SEMA5A: variants seen among roughly 807,000 people sequenced by gnomAD.
The protein encoded by SEMA5A is semaphorin-5A.
Under a neutral mutation model 135.5 loss-of-function variants are expected in SEMA5A, and 55 were observed. The observed-to-expected ratio is 0.41, with a 90% CI of 0.33 to 0.51. The LOEUF (loss-of-function observed/expected upper bound fraction) is 0.51. SEMA5A is among the 20% of genes least tolerant of loss of function. The probability of loss-of-function intolerance (pLI) is 0.37; values close to 1 mark genes in which losing one functional copy is unlikely to be tolerated. For missense variants in SEMA5A, 1,290 were observed against 1,419.9 expected, an observed-to-expected ratio of 0.91 and a Z score of 1.47; for synonymous variants, 580 against 546.5, an observed-to-expected ratio of 1.06 and a Z score of -0.85.
chr5:9,330,005 A>G (rs987143724), intron 4 of SEMA5A, among the ~76,000 whole-genome samples: 1 of 152,098 alleles, frequency 6.6e-6, no homozygotes, highest in African/African-American at 2.4e-5. Flanking sequence ...ATTTTTCCAA[A>G]TATTTTAGGC....
At chr5:9,439,932 C>G (rs1758172260) in intron 1 of SEMA5A, among the ~76,000 whole-genome samples, 1 of 152,188 alleles carries the variant, frequency 6.6e-6, no homozygotes, top group Admixed American at 6.5e-5. Flanking sequence ...GGGTGTCCAC[C>G]CGAAAGGGTT....
intron 14 of SEMA5A, 104 bp from the exon 15 acceptor site, chr5:9,119,245 T>C (rs1579428085): frequency 2.2e-6 from 3 of 1,382,968 alleles, no homozygotes; most frequent in Admixed American, 2.1e-5. Context: ...AGGATCACGC[T>C]TGGGGCTGCT....
chr5:9,154,462 G>A lies in SEMA5A; in HGVS notation c.1481+26C>T, dbSNP rs745766056. The A allele has an allele frequency of 6.8e-6, 11 of 1,609,132 alleles. No homozygotes were observed. The Admixed American group carries it at 1.8e-4, about 27-fold the overall frequency. On this transcript the variant is annotated intron_variant, in intron 12 of 22. Coordinates refer to ENST00000382496, the MANE Select transcript of SEMA5A (RefSeq NM_003966.3). ...GTGGGCCCTTCACACACACACCAGT[G>A]CATCCTGACCCCGGAGATGCCCTAC...
intron 11 of SEMA5A, among the ~76,000 whole-genome samples, chr5:9,184,486 A>G (rs1174840873): frequency 1.3e-5 from 2 of 151,976 alleles, no homozygotes; most frequent in African/African-American, 4.8e-5. Flanking sequence ...GACACCAATC[A>G]CTCTGTGTGG....
In SEMA5A at chr5:9,050,435, A is replaced by C; in HGVS notation, c.2868T>G (p.Ser956Arg). Residue 956 changes from serine (S) to arginine (R), a missense_variant, in exon 21 of 23, where the codon AGT becomes AGG. By Grantham distance (110) the Ser-to-Arg change is moderately radical. Around this residue, in one of 3 missense-constraint regions of SEMA5A, gnomAD observed 1,029 missense variants for 1,086.6 expected, o/e 0.95. Transcript: ENST00000382496. Reference sequence around the variant, plus strand: ...CTCCACACCTTTTCTCTTCTACGCTACTGGATCTTGCCACAGATACTTCTG... The same window carrying C: ...CTCCACACCTTTTCTCTTCTACGCTCCTGGATCTTGCCACAGATACTTCTG... ...FIPEVSVARS[S>R]SVEEKRCGEF... is the part of the protein sequence containing the mutation. The C allele has an allele frequency of 6.2e-7, 1 of 1,612,966 alleles. No individual in the cohort carries two copies. Among genetic ancestry groups the C allele is most frequent in the South Asian group, 1.1e-5 (1 of 90,638 alleles).
intron 11 of SEMA5A, among the ~76,000 whole-genome samples, chr5:9,164,131 A>T (rs566929912): frequency 5.4e-5 from 6 of 111,264 alleles, no homozygotes; most frequent in African/African-American, 2.2e-4. Flanking sequence ...ATATCATATA[A>T]ATATTTATAT....
intron 11 of SEMA5A, among the ~76,000 whole-genome samples, chr5:9,155,523 C>A (rs2150265095): frequency 6.6e-6 from 1 of 151,544 alleles, no homozygotes; most frequent in Non-Finnish European, 1.5e-5. Flanking sequence ...TGACACCCTG[C>A]AAATCCCAGG....
At chr5:9,537,925 C>T (rs1273894141) in intron 1 of SEMA5A, among the ~76,000 whole-genome samples, 2 of 152,142 alleles carry the variant, frequency 1.3e-5, no homozygotes, top group Non-Finnish European at 2.9e-5. Context: ...TGTATCTGGA[C>T]CATGGACCAC....
chr5:9,445,648 G>A (rs1268262470), intron 1 of SEMA5A, among the ~76,000 whole-genome samples: 1 of 152,048 alleles, frequency 6.6e-6, no homozygotes, highest in African/African-American at 2.4e-5. Flanking sequence ...CAGTCTGAGT[G>A]ACAGAGTGAG....
chr5:9,394,479 C>T (rs2126540140), intron 2 of SEMA5A, among the ~76,000 whole-genome samples: 1 of 152,248 alleles, frequency 6.6e-6, no homozygotes, highest in South Asian at 2.1e-4. Context: ...AAGACCAGAG[C>T]CTGGCCTGCT....
chr5:9,349,628 G>A (rs916252603), intron 3 of SEMA5A, among the ~76,000 whole-genome samples: 7 of 152,108 alleles, frequency 4.6e-5, no homozygotes, highest in Admixed American at 1.3e-4. Flanking sequence ...GGTTGGGCAC[G>A]GTGGCTCACG....
At chr5:9,390,094 C>G (rs1216495660) in intron 2 of SEMA5A, among the ~76,000 whole-genome samples, 2 of 152,244 alleles carry the variant, frequency 1.3e-5, no homozygotes, top group Non-Finnish European at 2.9e-5. Context: ...TCTTCTATGA[C>G]TCTGCCATTC....
chr5:9,483,840 A>G (rs553952593), intron 1 of SEMA5A, among the ~76,000 whole-genome samples: 1 of 152,350 alleles, frequency 6.6e-6, no homozygotes, highest in South Asian at 2.1e-4. Flanking sequence ...GGGAGGAGAA[A>G]AAAACAGCTT....
At chr5:9,375,629 G>A (rs1755333863) in intron 3 of SEMA5A, among the ~76,000 whole-genome samples, 1 of 148,548 alleles carries the variant, frequency 6.7e-6, no homozygotes, top group Non-Finnish European at 1.5e-5. Flanking sequence ...TGTTACAGCA[G>A]CCCTAAGCAG....
At chr5:9,531,088 TC>T (rs2126327404) in intron 1 of SEMA5A, among the ~76,000 whole-genome samples, 1 of 152,182 alleles carries the variant, frequency 6.6e-6, no homozygotes, top group Admixed American at 6.5e-5. Flanking sequence ...GTGGGTTTTG[TC>T]CCTAAAAAAC....
rs144769881 is a variant in SEMA5A, at chr5:9,193,851, C to T, written c.1068+3317G>A. On this transcript the variant is annotated intron_variant, in intron 10 of 22. Coordinates refer to ENST00000382496, the MANE Select transcript of SEMA5A (RefSeq NM_003966.3). ...GGTAGAGGTTCCAGTGAGCTGAGAT[C>T]GTACCACTGTACACCAGCCTGGGCA... is the stretch of plus-strand genomic sequence containing the variant. Among the ~76,000 whole-genome samples the T allele has an allele frequency of 6.8e-3, 1,041 of 152,258 alleles. 5 individuals carry two copies. Among genetic ancestry groups the T allele is most frequent in the Non-Finnish European group, 9.6e-3 (652 of 68,014 alleles).
intron 11 of SEMA5A, among the ~76,000 whole-genome samples, chr5:9,167,043 T>C (rs76958540): frequency 2.0e-5 from 3 of 152,174 alleles, no homozygotes; most frequent in Non-Finnish European, 4.4e-5. Flanking sequence ...ATTGAGATGG[T>C]TGAGAAAAAT....
chr5:9,511,778 T>A (rs1736218989), intron 1 of SEMA5A, among the ~76,000 whole-genome samples: 1 of 152,192 alleles, frequency 6.6e-6, no homozygotes, highest in Non-Finnish European at 1.5e-5. Context: ...AAGATGTACA[T>A]GTATCAAAAC....
intron 11 of SEMA5A, among the ~76,000 whole-genome samples, chr5:9,158,693 C>G (rs1051359889): frequency 6.6e-6 from 1 of 152,080 alleles, no homozygotes; most frequent in Admixed American, 6.5e-5. Context: ...GCTATGGACA[C>G]AAATCTGAGT....
Sources: allele counts gnomAD v4.1 joint callset (sites outside exome capture counted in the v4.1 genomes callset), GRCh38; gene constraint gnomAD v4.1.1; regional missense constraint gnomAD v4.1.1; transcripts MANE v1.5; gene names NCBI Gene and HGNC (gene_info 2026-07-23, HGNC 2026-07-21).